Variants in ACYP2 observed in about 807,000 individuals in gnomAD.
The protein encoded by ACYP2 is acylphosphatase 2.
ACYP2 carries 12 observed loss-of-function variants against 11.2 expected under a neutral mutation model. The observed-to-expected ratio is 1.08, with a 90% CI of 0.69 to 1.74. The LOEUF is 1.74. Among genes scored for constraint, ACYP2 ranks in the 40% most tolerant of loss-of-function variants. The probability of loss-of-function intolerance (pLI) is 0.00; values close to 1 mark genes in which losing one functional copy is unlikely to be tolerated. For missense variants in ACYP2, 134 were observed against 101.9 expected, an observed-to-expected ratio of 1.31 and a Z score of -1.35; for synonymous variants, 43 against 32.2, an observed-to-expected ratio of 1.33 and a Z score of -1.13.
intron 6 of ACYP2, among the ~76,000 whole-genome samples, chr2:54,203,181 C>A (rs1047724648): frequency 2.8e-4 from 41 of 149,064 alleles, no homozygotes; most frequent in Admixed American, 2.5e-3. Context: ...TAGTCTTGCA[C>A]TTCTTTTGTT....
At chr2:54,037,610 G>A (rs1674978853) in intron 2 of ACYP2, among the ~76,000 whole-genome samples, 1 of 151,898 alleles carries the variant, frequency 6.6e-6, no homozygotes, top group Admixed American at 6.6e-5. Flanking sequence ...ATCTCACAAT[G>A]TTACCCAGGC....
At chr2:54,036,091 T>C (rs1340306214) in intron 2 of ACYP2, among the ~76,000 whole-genome samples, 1 of 152,112 alleles carries the variant, frequency 6.6e-6, no homozygotes, top group Non-Finnish European at 1.5e-5. Flanking sequence ...ACATATTTCT[T>C]TTTTTGTTTG....
intron 6 of ACYP2, chr2:54,167,103 A>C (rs1170426361): frequency 6.6e-6 from 1 of 151,764 alleles, no homozygotes; most frequent in Non-Finnish European, 1.5e-5. Flanking sequence ...GCATCTATCG[A>C]CCTGTGACCT....
chr2:54,254,963 C>T, intron 6 of ACYP2: 1 of 1,613,812 alleles, frequency 6.2e-7, no homozygotes, highest in Non-Finnish European at 8.5e-7. Context: ...TCCACTGGCT[C>T]CCTTACCAGG....
chr2:54,085,422 C>T (rs562372645), intron 4 of ACYP2, among the ~76,000 whole-genome samples: 1 of 152,280 alleles, frequency 6.6e-6, no homozygotes, highest in South Asian at 2.1e-4. Context: ...AGTAAGGGGG[C>T]AAATCATTAT....
chr2:54,227,816 T>C (rs969751622), intron 6 of ACYP2, among the ~76,000 whole-genome samples: 1 of 152,248 alleles, frequency 6.6e-6, no homozygotes, highest in Non-Finnish European at 1.5e-5. Flanking sequence ...TAGTGGTACC[T>C]ACATTGCATA....
chr2:54,167,024 T>C (rs1683007311), intron 6 of ACYP2: 2 of 151,990 alleles, frequency 1.3e-5, no homozygotes, highest in African/African-American at 2.4e-5. Flanking sequence ...TTTTAATGCT[T>C]CAGGCAATTC....
At chr2:54,122,011 C>A (rs545189090) in intron 4 of ACYP2, among the ~76,000 whole-genome samples, 1 of 152,308 alleles carries the variant, frequency 6.6e-6, no homozygotes, top group Admixed American at 6.5e-5. Flanking sequence ...CTCCAGGGAA[C>A]AGAACCTGGA....
intron 6 of ACYP2, among the ~76,000 whole-genome samples, chr2:54,256,788 CCCA>C: frequency 1.3e-5 from 2 of 152,158 alleles, no homozygotes; most frequent in African/African-American, 4.8e-5. Context: ...ATTACAGGCG[CCCA>C]CCACCATGCC....
rs1673601815 is a variant in ACYP2 at position 54,015,026 on chromosome 2, G to A, written c.63-35932G>A. Among the ~76,000 whole-genome samples the A allele has an allele frequency of 3.3e-5, 5 of 152,250 alleles. No individual in the cohort carries two copies. In the South Asian group the frequency reaches 1.0e-3, roughly 32 times the overall value. On this transcript the variant is annotated intron_variant, in intron 2 of 6. Coordinates refer to ENST00000607452, the MANE Select transcript of ACYP2 (RefSeq NM_001320586.2). The stretch of plus-strand genomic sequence containing the variant: ...CCTAATCTTTGGCTACTCAAAGTGG[G>A]GTCTGGGGAGCAGCAGTATACTAGC...
chr2:54,188,042 C>T (rs755286460), intron 6 of ACYP2, among the ~76,000 whole-genome samples: 7 of 152,176 alleles, frequency 4.6e-5, no homozygotes, highest in Non-Finnish European at 7.3e-5. Context: ...CCTGTCGTAG[C>T]CCTGATCTTG....
intron 6 of ACYP2, among the ~76,000 whole-genome samples, chr2:54,153,775 AT>A (rs1192233225): frequency 1.3e-5 from 2 of 151,234 alleles, no homozygotes; most frequent in Non-Finnish European, 2.9e-5. Context: ...AATTTTTTGC[AT>A]TTTTTAGTAG....
At chr2:54,107,321 A>G (rs1015055187) in intron 4 of ACYP2, among the ~76,000 whole-genome samples, 1 of 152,210 alleles carries the variant, frequency 6.6e-6, no homozygotes, top group Non-Finnish European at 1.5e-5. Flanking sequence ...TTATTCTATA[A>G]TCTTTCAACA....
chr2:54,138,866 C>T, intron 6 of ACYP2, 118 bp downstream of exon 3: 2 of 755,938 alleles, frequency 2.6e-6, no homozygotes, highest in South Asian at 3.6e-5. Flanking sequence ...AATCTCGGCT[C>T]ACTACAACCT....
chr2:54,032,889 A>G (rs1003406813), intron 2 of ACYP2, among the ~76,000 whole-genome samples: 1 of 152,196 alleles, frequency 6.6e-6, no homozygotes, highest in Non-Finnish European at 1.5e-5. Context: ...GAAAATGGCC[A>G]TACTGCCCGA....
At chr2:54,075,513 A>AT (rs1677285115) in intron 4 of ACYP2, among the ~76,000 whole-genome samples, 3 of 122,824 alleles carry the variant, frequency 2.4e-5, no homozygotes, top group African/African-American at 8.3e-5. Context: ...TAAAAAAAAA[A>AT]AGAAAGAAAA....
chr2:54,140,510 A>C (rs1681542641), intron 6 of ACYP2, among the ~76,000 whole-genome samples: 1 of 128,782 alleles, frequency 7.8e-6, no homozygotes, highest in African/African-American at 3.0e-5. Context: ...GCTTGTCTCC[A>C]TGTTCACATT....
chr2:54,002,752 A>C (rs909485586), intron 2 of ACYP2, among the ~76,000 whole-genome samples: 1 of 151,640 alleles, frequency 6.6e-6, no homozygotes, highest in African/African-American at 2.4e-5. Context: ...CCCAGGTTCA[A>C]GCAATTCTCC....
At chr2:54,067,958 T>C (rs1676827439) in intron 4 of ACYP2, among the ~76,000 whole-genome samples, 1 of 152,214 alleles carries the variant, frequency 6.6e-6, no homozygotes, top group Admixed American at 6.5e-5. Context: ...ACCCATAAGA[T>C]TTAAGCAAAA....
Sources: gnomAD v4.1 joint callset for allele counts (sites outside exome capture counted in the v4.1 genomes callset) on GRCh38, gnomAD v4.1.1 for gene constraint, MANE v1.5 for transcripts, NCBI Gene and HGNC (gene_info 2026-07-23, HGNC 2026-07-21) for gene names.